Variants in MAGI2 observed in about 807,000 individuals in gnomAD.
MAGI2 encodes membrane-associated guanylate kinase, WW and PDZ domain-containing protein 2.
MAGI2 carries 35 observed loss-of-function variants against 133.3 expected under a neutral mutation model. That is an observed-to-expected ratio of 0.26 (90% CI 0.20 to 0.35). MAGI2 has a LOEUF of 0.35. Ranked by LOEUF, MAGI2 falls within the 10% of genes least tolerant of loss-of-function variation. The probability of loss-of-function intolerance (pLI) is 1.00; values close to 1 mark genes in which losing one functional copy is unlikely to be tolerated. For missense variants in MAGI2, 1,636 were observed against 1,863.4 expected, an observed-to-expected ratio of 0.88 and a Z score of 2.25; for synonymous variants, 729 against 710.6, an observed-to-expected ratio of 1.03 and a Z score of -0.41.
intron 10 of MAGI2, among the ~76,000 whole-genome samples, chr7:78,216,035 G>C (rs533934428): frequency 6.6e-6 from 1 of 152,328 alleles, no homozygotes; most frequent in South Asian, 2.1e-4. Flanking sequence ...TGAACTGAAA[G>C]TATGAAGAGA....
chr7:79,003,955 A>G (rs1807164182), intron 2 of MAGI2, among the ~76,000 whole-genome samples: 1 of 152,176 alleles, frequency 6.6e-6, no homozygotes, highest in Admixed American at 6.5e-5. Flanking sequence ...AAAATAACAA[A>G]TGCTGGTGAG....
chr7:78,806,491 C>T (rs1788585694), intron 2 of MAGI2, among the ~76,000 whole-genome samples: 1 of 152,066 alleles, frequency 6.6e-6, no homozygotes, highest in African/African-American at 2.4e-5. Context: ...TAACTTTTAT[C>T]AATGAGAGAA....
chr7:78,965,664 T>C (rs980934008), intron 2 of MAGI2, among the ~76,000 whole-genome samples: 2 of 152,036 alleles, frequency 1.3e-5, no homozygotes, highest in Non-Finnish European at 2.9e-5. Context: ...CCTTTTAGAT[T>C]AGTTGAAGAT....
chr7:78,996,778 C>T (rs1806350227), intron 2 of MAGI2, among the ~76,000 whole-genome samples: 1 of 152,140 alleles, frequency 6.6e-6, no homozygotes. Flanking sequence ...TACTAGTCCT[C>T]TGGAAATAAG....
intron 3 of MAGI2, chr7:78,617,500 T>C (rs538427836): frequency 6.6e-6 from 1 of 152,236 alleles, no homozygotes; most frequent in East Asian, 1.9e-4. Context: ...GAAGTACTGA[T>C]ACTAAATTTT....
chr7:78,043,774 C>T (rs1811106235), intron 21 of MAGI2, among the ~76,000 whole-genome samples: 1 of 152,158 alleles, frequency 6.6e-6, no homozygotes, highest in Non-Finnish European at 1.5e-5. Flanking sequence ...ACACAGGAAT[C>T]CACAATTTAC....
At chr7:79,195,180 G>A (rs1827978525) in intron 1 of MAGI2, among the ~76,000 whole-genome samples, 1 of 151,910 alleles carries the variant, frequency 6.6e-6, no homozygotes, top group Non-Finnish European at 1.5e-5. Flanking sequence ...AAACAATGGG[G>A]CCAGATGTTC....
chr7:79,136,003 G>GAA (rs749343638), intron 1 of MAGI2, among the ~76,000 whole-genome samples: 6,486 of 40,592 alleles, frequency 0.16, 1,654 homozygotes, highest in Middle Eastern at 0.29. Context: ...AAGAAAGAAA[G>GAA]AGAAAGAAAG....
chr7:79,317,019 C>CTT (rs58130248), intron 1 of MAGI2, among the ~76,000 whole-genome samples: 43 of 101,738 alleles, frequency 4.2e-4, no homozygotes, highest in Non-Finnish European at 5.7e-4. Context: ...TTTTCTTTTT[C>CTT]TTTTTTTTTT....
intron 2 of MAGI2, among the ~76,000 whole-genome samples, chr7:78,709,092 T>A (rs1032991830): frequency 6.6e-6 from 1 of 152,172 alleles, no homozygotes; most frequent in Non-Finnish European, 1.5e-5. Flanking sequence ...TTCCAATGAA[T>A]TGATCTATAG....
At chr7:79,270,101 C>A (rs1221307020) in intron 1 of MAGI2, among the ~76,000 whole-genome samples, 1 of 152,098 alleles carries the variant, frequency 6.6e-6, no homozygotes, top group East Asian at 1.9e-4. Flanking sequence ...ACCTGTCCTG[C>A]GGCCCCACCC....
At chr7:78,632,515 G>C (rs550998751) in intron 2 of MAGI2, among the ~76,000 whole-genome samples, 2 of 152,238 alleles carry the variant, frequency 1.3e-5, no homozygotes, top group East Asian at 3.9e-4. Flanking sequence ...GAAAGAGCCT[G>C]GTTATATTTT....
chr7:78,798,427 C>CAGAT (rs1328378850), intron 2 of MAGI2, among the ~76,000 whole-genome samples: 10 of 152,108 alleles, frequency 6.6e-5, no homozygotes, highest in African/African-American at 2.4e-4. Flanking sequence ...GTTGGTTTGT[C>CAGAT]AGATATTCAT....
chr7:79,264,634 G>A (rs1307842516), intron 1 of MAGI2, among the ~76,000 whole-genome samples: 1 of 152,090 alleles, frequency 6.6e-6, no homozygotes, highest in African/African-American at 2.4e-5. Context: ...AAAGAGATTA[G>A]TTACTATTTT....
At chr7:78,887,026 C>T (rs932539851) in intron 2 of MAGI2, among the ~76,000 whole-genome samples, 2 of 152,110 alleles carry the variant, frequency 1.3e-5, no homozygotes, top group Non-Finnish European at 2.9e-5. Context: ...TGAGGAAGAA[C>T]ATGTTTGTTT....
chr7:79,188,486 A>T (rs1409272681), intron 1 of MAGI2, among the ~76,000 whole-genome samples: 2 of 151,784 alleles, frequency 1.3e-5, no homozygotes, highest in Non-Finnish European at 2.9e-5. Flanking sequence ...ATAGTATTCC[A>T]TGGTGTATAT....
chr7:79,289,065 C>A (rs1003057004), intron 1 of MAGI2, among the ~76,000 whole-genome samples: 4 of 152,114 alleles, frequency 2.6e-5, no homozygotes, highest in African/African-American at 9.7e-5. Context: ...ACTTTGAGAG[C>A]CTAGTGCACT....
chr7:78,086,127 C>T (rs1165736066), intron 20 of MAGI2, among the ~76,000 whole-genome samples: 1 of 151,970 alleles, frequency 6.6e-6, no homozygotes, highest in Non-Finnish European at 1.5e-5. Context: ...CTGATTCCTT[C>T]CTTTTTCCTT....
At chr7:79,069,176 C>G (rs758228615) in intron 1 of MAGI2, among the ~76,000 whole-genome samples, 5 of 152,028 alleles carry the variant, frequency 3.3e-5, no homozygotes, top group Non-Finnish European at 7.4e-5. Context: ...GTCTCGTTGA[C>G]CTGTCCAGTG....
Sources: allele counts gnomAD v4.1 joint callset (sites outside exome capture counted in the v4.1 genomes callset), GRCh38; gene constraint gnomAD v4.1.1; transcripts MANE v1.5; gene names NCBI Gene and HGNC (gene_info 2026-07-23, HGNC 2026-07-21).